Variants in ASCC3 observed in about 807,000 individuals in gnomAD.
ASCC3 encodes the protein activating signal cointegrator 1 complex subunit 3.
A neutral mutation model predicts 256.3 loss-of-function variants in ASCC3; 158 were observed. The ratio of observed to expected loss-of-function variants is 0.62; its 90% CI spans 0.54 to 0.70. The LOEUF is 0.70. Among genes scored for constraint, ASCC3 ranks in the 30% least tolerant of loss-of-function variants. ASCC3 has a pLI of 0.00. For synonymous variants in ASCC3, 948 were observed against 883.4 expected (o/e 1.07, Z -1.30); for missense variants, 2,259 against 2,626.0 (o/e 0.86, Z 3.05).
intron 14 of ASCC3, 85 bp from the exon 15 acceptor site, chr6:100,662,621 A>C: frequency 7.9e-7 from 1 of 1,269,974 alleles, no homozygotes. Context: ...TTCATCAAAG[A>C]AATCAGAAAA....
Position 100,721,811 on chromosome 6 carries a change from T to C in ASCC3, c.1903-3560A>G, listed in dbSNP as rs564960020. On this transcript the variant is annotated intron_variant, in intron 11 of 41. Coordinates refer to ENST00000369162, the MANE Select transcript of ASCC3 (RefSeq NM_006828.4). Reference sequence around the variant, plus strand: ...AAATTTTTTGTTGTTGTTGTTGCAATTGCTATCTCCCACTTTTTAGTTTAA... The same window carrying C: ...AAATTTTTTGTTGTTGTTGTTGCAACTGCTATCTCCCACTTTTTAGTTTAA... Among the ~76,000 whole-genome samples, 3 of 151,442 alleles carry C rather than the reference T, an allele frequency of 2.0e-5. No homozygotes were observed. The South Asian group carries it at 6.3e-4, about 32-fold the overall frequency.
At chr6:100,763,895 C>T (rs1781526859) in intron 10 of ASCC3, among the ~76,000 whole-genome samples, 1 of 152,224 alleles carries the variant, frequency 6.6e-6, no homozygotes. Flanking sequence ...ATACCTGTGT[C>T]TGCATACTTC....
At chr6:100,517,822 C>T (rs893406589) in intron 38 of ASCC3, among the ~76,000 whole-genome samples, 169 bp downstream of exon 38, 3 of 151,952 alleles carry the variant, frequency 2.0e-5, no homozygotes, top group African/African-American at 7.2e-5. Context: ...GATCAAATTC[C>T]AAACAAGAAT....
At chr6:100,684,538 C>T (rs1046341062) in intron 13 of ASCC3, among the ~76,000 whole-genome samples, 1 of 152,080 alleles carries the variant, frequency 6.6e-6, no homozygotes, top group African/African-American at 2.4e-5. Context: ...GTATTAGCAC[C>T]ATTATTAGGT....
intron 2 of ASCC3, 115 bp downstream of exon 2, chr6:100,867,793 A>G: frequency 1.1e-6 from 1 of 924,794 alleles, no homozygotes; most frequent in Non-Finnish European, 1.7e-6. Context: ...GCCTCACACC[A>G]AACAAGATAA....
At chr6:100,560,083 A>G (rs1206467169) in intron 36 of ASCC3, among the ~76,000 whole-genome samples, 2 of 152,166 alleles carry the variant, frequency 1.3e-5, no homozygotes, top group African/African-American at 4.8e-5. Context: ...AGCTAATGCT[A>G]TGTCTTTCTG....
intron 14 of ASCC3, among the ~76,000 whole-genome samples, chr6:100,672,799 T>A (rs1776815812): frequency 1.3e-5 from 2 of 152,088 alleles, no homozygotes; most frequent in African/African-American, 2.4e-5. Flanking sequence ...TGGTTTCTGT[T>A]CCTTTTACTA....
chr6:100,866,374 T>G (rs1469888054), intron 2 of ASCC3, among the ~76,000 whole-genome samples: 1 of 152,260 alleles, frequency 6.6e-6, no homozygotes, highest in African/African-American at 2.4e-5. Context: ...AGAAGATTTA[T>G]GTACTTCAAA....
intron 39 of ASCC3, 96 bp downstream of exon 39, chr6:100,516,084 G>A (rs1237436785): frequency 1.4e-6 from 2 of 1,451,708 alleles, no homozygotes; most frequent in African/African-American, 1.4e-5. Context: ...AACTCAAGGT[G>A]AGCCTGGTTC....
At chr6:100,866,440 C>T (rs986747639) in intron 2 of ASCC3, among the ~76,000 whole-genome samples, 2 of 152,232 alleles carry the variant, frequency 1.3e-5, no homozygotes, top group Non-Finnish European at 2.9e-5. Flanking sequence ...ATTCATTCAT[C>T]ACAGTAGTGA....
At chr6:100,766,805 TCTAA>T in intron 9 of ASCC3, 100 bp from the exon 10 acceptor site, 1 of 1,402,700 alleles carries the variant, frequency 7.1e-7, no homozygotes, top group Non-Finnish European at 1.0e-6. Flanking sequence ...GAAATATGTT[TCTAA>T]CTACTTCCAG....
chr6:100,610,695 T>G (rs1773348708), intron 30 of ASCC3, among the ~76,000 whole-genome samples: 1 of 152,180 alleles, frequency 6.6e-6, no homozygotes, highest in African/African-American at 2.4e-5. Context: ...CTTTATGAAC[T>G]GTTAAGCAGG....
intron 21 of ASCC3, 120 bp downstream of exon 21, chr6:100,647,106 T>C: frequency 1.0e-6 from 1 of 981,218 alleles, no homozygotes; most frequent in Non-Finnish European, 1.5e-6. Context: ...AAAAGATTTA[T>C]AAATACGGTA....
intron 10 of ASCC3, among the ~76,000 whole-genome samples, chr6:100,740,378 C>G (rs1022220794): frequency 6.6e-6 from 1 of 152,096 alleles, no homozygotes; most frequent in Non-Finnish European, 1.5e-5. Context: ...AGAGTAAGTG[C>G]CATGCAGCAA....
intron 4 of ASCC3, among the ~76,000 whole-genome samples, chr6:100,846,864 T>G (rs559245961): frequency 6.6e-6 from 1 of 152,048 alleles, no homozygotes; most frequent in South Asian, 2.1e-4. Context: ...CCTATGATAT[T>G]TCAGTACAGT....
At chr6:100,566,436 G>A (rs116685794) in intron 36 of ASCC3, among the ~76,000 whole-genome samples, 188 of 152,154 alleles carry the variant, frequency 1.2e-3, no homozygotes, top group African/African-American at 4.4e-3. Context: ...ATGTATTAAC[G>A]GCTTTTACCT....
chr6:100,795,292 A>C (rs1394354665), intron 8 of ASCC3, among the ~76,000 whole-genome samples: 1 of 152,032 alleles, frequency 6.6e-6, no homozygotes, highest in East Asian at 1.9e-4. Flanking sequence ...TATATGGAGA[A>C]AGCCTATCTG....
Position 100,768,885 on chromosome 6 carries a change from G to T in ASCC3, c.1396-1540C>A, listed in dbSNP as rs114212262. ...CAAAGCATATTCTCTGACTGCAATG[G>T]AATTATATCAGGTACCCTTATTAGA... On this transcript the variant is annotated intron_variant, in intron 8 of 41. Coordinates refer to ENST00000369162, the MANE Select transcript of ASCC3 (RefSeq NM_006828.4). 6.1e-3 allele frequency among the ~76,000 whole-genome samples: 926 copies of T among 152,166 alleles called. 13 individuals carry two copies. Among genetic ancestry groups the T allele is most frequent in the African/African-American group, 0.021 (877 of 41,540 alleles).
At chr6:100,829,103 A>G (rs1458904410) in intron 4 of ASCC3, among the ~76,000 whole-genome samples, 2 of 151,994 alleles carry the variant, frequency 1.3e-5, no homozygotes, top group African/African-American at 4.8e-5. Flanking sequence ...GTGTATTTAC[A>G]ATCCCTTAGC....
Sources: allele counts gnomAD v4.1 joint callset (sites outside exome capture counted in the v4.1 genomes callset), GRCh38; gene constraint gnomAD v4.1.1; transcripts MANE v1.5; gene names NCBI Gene and HGNC (gene_info 2026-07-23, HGNC 2026-07-21).